The following CAMK2D variants were observed in gnomAD, a reference collection of about 807,000 sequenced individuals.
CAMK2D encodes the protein calcium/calmodulin-dependent protein kinase type II subunit delta.
CAMK2D carries 37 observed loss-of-function variants against 84.0 expected under a neutral mutation model. That is an observed-to-expected ratio of 0.44 (90% CI 0.34 to 0.58). CAMK2D has a LOEUF of 0.58. Ranked by LOEUF, CAMK2D falls within the 20% of genes least tolerant of loss-of-function variation. The pLI is 0.02. For missense variants in CAMK2D, 448 were observed against 652.5 expected, an observed-to-expected ratio of 0.69 and a Z score of 3.41; for synonymous variants, 202 against 212.5, an observed-to-expected ratio of 0.95 and a Z score of 0.43.
At chr4:113,722,318 A>G (rs2099532973) in intron 2 of CAMK2D, among the ~76,000 whole-genome samples, 2 of 152,172 alleles carry the variant, frequency 1.3e-5, no homozygotes, top group African/African-American at 4.8e-5. Flanking sequence ...CTCTAATTTG[A>G]TATCTCATAT....
rs1197475020 is a variant in CAMK2D, at chr4:113,761,340, C to G, written c.-272G>C. 1 of 1,386,356 alleles carries G rather than the reference C, an allele frequency of 7.2e-7. No individual in the cohort carries two copies. Among genetic ancestry groups the G allele is most frequent in the Non-Finnish European group, 9.4e-7 (1 of 1,068,972 alleles). The allele number at this position is 1,386,356 out of a possible 1,614,324, so 85.9% of individuals were successfully genotyped here. A position where few individuals can be genotyped will look rare whatever the true frequency, so the allele number is the denominator to read the frequency against. On this transcript the variant is annotated 5_prime_UTR_variant, in exon 1 of 21. Transcript: ENST00000511664. The stretch of plus-strand genomic sequence containing the variant: ...CTTCTTCTCCACTGGACGCTCCACC[C>G]GCCCCTTTTCCAGTCCCTGTCCCCA...
intron 16 of CAMK2D, among the ~76,000 whole-genome samples, chr4:113,480,463 A>G (rs980149913): frequency 1.2e-4 from 19 of 152,068 alleles, no homozygotes; most frequent in African/African-American, 4.3e-4. Flanking sequence ...TACAAAGTCC[A>G]TGTTGCACCT....
intron 3 of CAMK2D, among the ~76,000 whole-genome samples, chr4:113,656,349 A>G (rs755648501): frequency 1.3e-5 from 2 of 152,148 alleles, no homozygotes; most frequent in Non-Finnish European, 2.9e-5. Flanking sequence ...TGTGGACCAC[A>G]CCAAAGAGAG....
intron 2 of CAMK2D, among the ~76,000 whole-genome samples, chr4:113,672,023 A>C (rs1246153574): frequency 6.6e-6 from 1 of 152,224 alleles, no homozygotes; most frequent in African/African-American, 2.4e-5. Context: ...CTAAGTGTGG[A>C]TGCATGTTCC....
chr4:113,697,581 T>C (rs895180223), intron 2 of CAMK2D, among the ~76,000 whole-genome samples: 2 of 152,086 alleles, frequency 1.3e-5, no homozygotes, highest in African/African-American at 4.8e-5. Flanking sequence ...TGGATAACTA[T>C]TGCAACAGAG....
At chr4:113,669,898 A>C (rs2099272939) in intron 2 of CAMK2D, among the ~76,000 whole-genome samples, 2 of 152,210 alleles carry the variant, frequency 1.3e-5, no homozygotes, top group Admixed American at 1.3e-4. Flanking sequence ...TGTCCAAAGG[A>C]GGAAATCAAA....
chr4:113,501,073 G>T (rs1253157091), intron 15 of CAMK2D, among the ~76,000 whole-genome samples: 1 of 151,960 alleles, frequency 6.6e-6, no homozygotes, highest in Non-Finnish European at 1.5e-5. Flanking sequence ...CTTTTGAGAA[G>T]AATTTTCATG....
chr4:113,462,515 T>A (rs1200423521), intron 17 of CAMK2D, among the ~76,000 whole-genome samples: 2 of 152,036 alleles, frequency 1.3e-5, no homozygotes, highest in African/African-American at 4.8e-5. Context: ...TCCCAAAAGC[T>A]CTCGAATGGA....
At chr4:113,590,159 G>C (rs2098859782) in intron 4 of CAMK2D, among the ~76,000 whole-genome samples, 1 of 152,122 alleles carries the variant, frequency 6.6e-6, no homozygotes, top group African/African-American at 2.4e-5. Flanking sequence ...ATGGATAAAT[G>C]AATGTAGAAT....
At chr4:113,469,906 G>C (rs1564455154) in intron 16 of CAMK2D, among the ~76,000 whole-genome samples, 1 of 151,976 alleles carries the variant, frequency 6.6e-6, no homozygotes, top group Non-Finnish European at 1.5e-5. Context: ...CTGGGTATAA[G>C]CACCCATCAT....
chr4:113,623,519 A>G (rs1291148967), intron 3 of CAMK2D, among the ~76,000 whole-genome samples: 2 of 152,088 alleles, frequency 1.3e-5, no homozygotes, highest in Non-Finnish European at 2.9e-5. Context: ...ACAGACCTAG[A>G]TGGTATAGCC....
intron 2 of CAMK2D, among the ~76,000 whole-genome samples, chr4:113,748,554 T>TA (rs781737413): frequency 7.9e-5 from 12 of 151,626 alleles, no homozygotes; most frequent in Non-Finnish European, 1.2e-4. Flanking sequence ...AAGCAAAAAT[T>TA]AAAAAAAATA....
intron 5 of CAMK2D, 42 bp downstream of exon 5, chr4:113,551,989 T>A: frequency 1.1e-6 from 1 of 907,220 alleles, no homozygotes; most frequent in Admixed American, 2.2e-5. Flanking sequence ...AAGTATTATT[T>A]GAATGTTGAG....
chr4:113,457,585 A>T (rs2097318547), intron 18 of CAMK2D, 22 bp from the exon 19 acceptor site: 1 of 1,603,688 alleles, frequency 6.2e-7, no homozygotes, highest in Middle Eastern at 1.7e-4. Flanking sequence ...AAACATGAAA[A>T]GCAAAATTTA....
chr4:113,750,606 T>C (rs923667261), intron 2 of CAMK2D, among the ~76,000 whole-genome samples: 6 of 152,180 alleles, frequency 3.9e-5, no homozygotes, highest in African/African-American at 1.2e-4. Context: ...CTAAAACTTA[T>C]CAAGTTGCCC....
chr4:113,506,957 T>C (rs1171340160), intron 13 of CAMK2D, among the ~76,000 whole-genome samples: 1 of 151,130 alleles, frequency 6.6e-6, no homozygotes, highest in Middle Eastern at 3.2e-3. Context: ...CACACCATCA[T>C]CTCTTCCAGA....
intron 2 of CAMK2D, among the ~76,000 whole-genome samples, chr4:113,683,764 A>C: frequency 6.6e-6 from 1 of 152,228 alleles, no homozygotes; most frequent in Non-Finnish European, 1.5e-5. Context: ...AGCAGGGAAA[A>C]ACATAAAAAG....
chr4:113,502,514 C>A (rs1450328006), intron 15 of CAMK2D, among the ~76,000 whole-genome samples: 2 of 125,192 alleles, frequency 1.6e-5, no homozygotes, highest in Admixed American at 8.2e-5. Flanking sequence ...TCAAAAGTAA[C>A]ACTAAACAAA....
In CAMK2D at chr4:113,659,191, T is replaced by C. The variant is rs141519085; in HGVS notation, c.220+2522A>G. Among the ~76,000 whole-genome samples the C allele has an allele frequency of 4.5e-4, 69 of 152,324 alleles. 1 individual carries two copies. The highest frequency in any genetic ancestry group is 5.4e-4 in the Non-Finnish European group (37 of 68,020). ...CATTATCCACAAAAATTGAGTTTCA[T>C]AGGAGGACCTGATACAAACCAAACC... On this transcript the variant is annotated intron_variant, in intron 3 of 20. Transcript: ENST00000511664.
Sources: gnomAD v4.1 joint callset for allele counts (sites outside exome capture counted in the v4.1 genomes callset) on GRCh38, gnomAD v4.1.1 for gene constraint, MANE v1.5 for transcripts, NCBI Gene and HGNC (gene_info 2026-07-23, HGNC 2026-07-21) for gene names.